The following ATP2C1 variants were observed in gnomAD, a reference collection of about 807,000 sequenced individuals.
The protein encoded by ATP2C1 is calcium-transporting ATPase type 2C member 1.
Under a neutral mutation model 120.5 loss-of-function variants are expected in ATP2C1, and 31 were observed. The observed-to-expected ratio is 0.26, with a 90% CI of 0.19 to 0.35. ATP2C1 has a LOEUF of 0.35. Among genes scored for constraint, ATP2C1 ranks in the 10% least tolerant of loss-of-function variants. ATP2C1 has a pLI of 1.00. For missense variants in ATP2C1, 731 were observed against 1,107.5 expected (o/e 0.66, Z 4.83); for synonymous variants, 351 against 358.7 (o/e 0.98, Z 0.24).
intron 5 of ATP2C1, among the ~76,000 whole-genome samples, chr3:130,936,428 A>G (rs2059673105): frequency 6.6e-6 from 1 of 152,248 alleles, no homozygotes; most frequent in South Asian, 2.1e-4. Context: ...TTTATATTCT[A>G]CATTGCAGAT....
chr3:130,938,038 A>G (rs1410234387), intron 6 of ATP2C1, among the ~76,000 whole-genome samples: 1 of 152,188 alleles, frequency 6.6e-6, no homozygotes, highest in Non-Finnish European at 1.5e-5. Context: ...CATTGTTGGC[A>G]TGACCTCCTC....
In ATP2C1 at chr3:130,954,998, G is replaced by GT. The variant is rs1190899794; in HGVS notation, c.688-9dup. The GT allele has an allele frequency of 6.2e-7, 1 of 1,603,348 alleles. No individual in the cohort carries two copies. Among genetic ancestry groups the GT allele is most frequent in the Non-Finnish European group, 8.5e-7 (1 of 1,170,642 alleles). ...CATCTGGATGTAAATGTATTTTCCT[G>GT]TTTTTCCCCTTAGGGTGTTGTCATT... On this transcript the variant is annotated splice_polypyrimidine_tract_variant and intron_variant, in intron 9 of 27. Transcript: ENST00000510168.
intron 2 of ATP2C1, among the ~76,000 whole-genome samples, chr3:130,925,405 TAA>T: frequency 6.6e-6 from 1 of 152,156 alleles, no homozygotes; most frequent in Non-Finnish European, 1.5e-5. Context: ...CGAGTGTCTG[TAA>T]AGAGTCCTAT....
chr3:130,921,231 GCCACCACACC>G (rs59306290), intron 2 of ATP2C1, among the ~76,000 whole-genome samples: 26,763 of 151,876 alleles, frequency 0.18, 2,524 homozygotes, highest in Middle Eastern at 0.24. Flanking sequence ...ATAGGTGCCT[GCCACCACACC>G]TGACTAACTT....
chr3:131,014,015 A>G (rs1311641384), intron 26 of ATP2C1: 2 of 1,412,902 alleles, frequency 1.4e-6, no homozygotes, highest in African/African-American at 2.9e-5. Flanking sequence ...AATTTTAAGT[A>G]AGGATTATAT....
chr3:130,985,354 C>T (rs926355022), intron 20 of ATP2C1, among the ~76,000 whole-genome samples: 3 of 152,052 alleles, frequency 2.0e-5, no homozygotes, highest in African/African-American at 4.8e-5. Flanking sequence ...AAATAATGGC[C>T]GGGTGTGGTG....
chr3:130,918,121 T>C, intron 2 of ATP2C1: 1 of 735,300 alleles, frequency 1.4e-6, no homozygotes, highest in Non-Finnish European at 2.4e-6. Context: ...TATATAGTAC[T>C]TAATGCTGGT....
chr3:130,863,924 G>A (rs1038960634), intron 1 of ATP2C1, among the ~76,000 whole-genome samples: 1 of 152,184 alleles, frequency 6.6e-6, no homozygotes, highest in African/African-American at 2.4e-5. Context: ...TTTATCAGCA[G>A]CATGAAAACA....
intron 1 of ATP2C1, among the ~76,000 whole-genome samples, chr3:130,855,391 A>C (rs1041146616): frequency 2.0e-5 from 3 of 152,200 alleles, no homozygotes; most frequent in Non-Finnish European, 4.4e-5. Context: ...AGTATTAGAG[A>C]AGCCGTGGGG....
At chr3:130,918,960 C>G in intron 2 of ATP2C1, 1 of 376,294 alleles carries the variant, frequency 2.7e-6, no homozygotes, top group South Asian at 2.1e-5. Flanking sequence ...CCACTGCACT[C>G]CAGCCTGGGC....
intron 2 of ATP2C1, among the ~76,000 whole-genome samples, chr3:130,907,614 C>T (rs1023644185): frequency 4.0e-5 from 6 of 151,634 alleles, no homozygotes; most frequent in African/African-American, 1.5e-4. Context: ...GAATTCTATT[C>T]TGTTGGTTTA....
chr3:130,943,417 G>C (rs1039028857), intron 8 of ATP2C1, among the ~76,000 whole-genome samples: 1 of 152,004 alleles, frequency 6.6e-6, no homozygotes, highest in Non-Finnish European at 1.5e-5. Context: ...GGGTTTGGCT[G>C]TGTTGGCCAG....
intron 7 of ATP2C1, among the ~76,000 whole-genome samples, chr3:130,941,152 G>C (rs2059884037): frequency 6.6e-6 from 1 of 151,944 alleles, no homozygotes; most frequent in Non-Finnish European, 1.5e-5. Flanking sequence ...CTGACCTCGT[G>C]ATCTGCCCAC....
In ATP2C1 at chr3:130,969,402, C is replaced by T. The variant is rs1559989890; in HGVS notation, c.1413+6C>T. On this transcript the variant is annotated splice_donor_region_variant and intron_variant, in intron 17 of 27. Coordinates refer to ENST00000510168, the MANE Select transcript of ATP2C1 (RefSeq NM_001378687.1). ...GTGTACACCGAACACAGCAGGTATC[C>T]ATCTGTTTAAAGAATACTTATTTCC... 1.2e-6 allele frequency: 2 copies of T among 1,606,528 alleles called. No homozygotes were observed. Among genetic ancestry groups the T allele is most frequent in the Non-Finnish European group, 1.7e-6 (2 of 1,173,394 alleles).
chr3:130,932,781 A>G (rs185743316), intron 4 of ATP2C1, among the ~76,000 whole-genome samples: 11 of 152,250 alleles, frequency 7.2e-5, no homozygotes, highest in African/African-American at 2.6e-4. Flanking sequence ...TTTTTTGCTA[A>G]AAACTTCTTT....
At chr3:130,906,943 G>T (rs575276616) in intron 2 of ATP2C1, among the ~76,000 whole-genome samples, 48 of 152,120 alleles carry the variant, frequency 3.2e-4, no homozygotes, top group Admixed American at 2.3e-3. Context: ...AGTTAGTTTT[G>T]CAACTAGGAA....
At chr3:130,987,747 A>G (rs1318322816) in intron 20 of ATP2C1, among the ~76,000 whole-genome samples, 1 of 152,254 alleles carries the variant, frequency 6.6e-6, no homozygotes, top group African/African-American at 2.4e-5. Context: ...TACTAGAATC[A>G]TATTAATTGT....
At chr3:130,856,409 T>C (rs916499780) in intron 1 of ATP2C1, among the ~76,000 whole-genome samples, 12 of 152,180 alleles carry the variant, frequency 7.9e-5, no homozygotes, top group Admixed American at 6.6e-5. Flanking sequence ...TAAATAAGGA[T>C]TTGAGGTTGC....
chr3:131,013,644 A>T (rs1020070818), intron 26 of ATP2C1, among the ~76,000 whole-genome samples: 3 of 152,208 alleles, frequency 2.0e-5, no homozygotes, highest in Non-Finnish European at 4.4e-5. Flanking sequence ...TCTAACTTTC[A>T]TTGGCCAGAC....
Sources: allele counts gnomAD v4.1 joint callset (sites outside exome capture counted in the v4.1 genomes callset), GRCh38; gene constraint gnomAD v4.1.1; transcripts MANE v1.5; gene names NCBI Gene and HGNC (gene_info 2026-07-23, HGNC 2026-07-21).